WWP2: variants seen among roughly 807,000 people sequenced by gnomAD.
WWP2 encodes the protein NEDD4-like E3 ubiquitin-protein ligase WWP2.
Under a neutral mutation model 121.0 loss-of-function variants are expected in WWP2, and 57 were observed. The observed-to-expected ratio is 0.47, with a 90% confidence interval of 0.38 to 0.59. The LOEUF is 0.59. WWP2 is among the 20% of genes least tolerant of loss of function. The probability of loss-of-function intolerance (pLI) is 0.00; values close to 1 mark genes in which losing one functional copy is unlikely to be tolerated. For synonymous variants in WWP2, 449 were observed against 441.3 expected, an observed-to-expected ratio of 1.02 and a Z score of -0.22; for missense variants, 962 against 1,158.9, an observed-to-expected ratio of 0.83 and a Z score of 2.47.
intron 9 of WWP2, among the ~76,000 whole-genome samples, chr16:69,911,661 G>A (rs2058380766): frequency 6.6e-6 from 1 of 152,158 alleles, no homozygotes; most frequent in African/African-American, 2.4e-5. Flanking sequence ...GAGTGCAATC[G>A]TGCTTCTTAG....
At chr16:69,886,359 A>G (rs2057924052) in intron 7 of WWP2, among the ~76,000 whole-genome samples, 1 of 152,066 alleles carries the variant, frequency 6.6e-6, no homozygotes, top group African/African-American at 2.4e-5. Flanking sequence ...TTAGAGGCAA[A>G]GTATCTAGGT....
chr16:69,765,413 G>C (rs574664138), intron 1 of WWP2, among the ~76,000 whole-genome samples: 1 of 152,284 alleles, frequency 6.6e-6, no homozygotes, highest in East Asian at 1.9e-4. Flanking sequence ...TACAAGAAAG[G>C]TAAGGATCCC....
intron 6 of WWP2, among the ~76,000 whole-genome samples, chr16:69,866,326 G>A (rs959621561): frequency 6.7e-6 from 1 of 148,688 alleles, no homozygotes; most frequent in Non-Finnish European, 1.5e-5. Context: ...TTATGGAGAC[G>A]GAGTCTTCCT....
chr16:69,866,060 T>C (rs1333749997), intron 6 of WWP2, among the ~76,000 whole-genome samples: 2 of 152,176 alleles, frequency 1.3e-5, no homozygotes, highest in East Asian at 3.8e-4. Context: ...TCGCATCTCA[T>C]CATGGCTGGG....
At chr16:69,784,091 C>CTTTTT (rs61650147) in intron 1 of WWP2, among the ~76,000 whole-genome samples, 30 of 60,866 alleles carry the variant, frequency 4.9e-4, no homozygotes, top group East Asian at 2.8e-3. Flanking sequence ...TTCTTTCTTT[C>CTTTTT]TTTTTTTTTT....
intron 14 of WWP2, 31 bp downstream of exon 14, chr16:69,931,258 G>A (rs940168796): frequency 6.2e-7 from 1 of 1,613,172 alleles, no homozygotes; most frequent in Admixed American, 1.7e-5. Flanking sequence ...TCCCGTGGCA[G>A]TTGGGGTTAT....
In WWP2 at chr16:69,855,265, A is replaced by G. The variant is rs942622926; in HGVS notation, c.575+13145A>G. Reference sequence around the variant, plus strand: ...TCTTCACCCTTAACTTATTGAAAATATAGTGGAGGTATTTGTCTCAATATT... The same window carrying G: ...TCTTCACCCTTAACTTATTGAAAATGTAGTGGAGGTATTTGTCTCAATATT... On this transcript the variant is annotated intron_variant, in intron 6 of 23. Transcript: ENST00000359154. 2.6e-5 allele frequency among the ~76,000 whole-genome samples: 4 copies of G among 152,332 alleles called. No homozygotes were observed. The East Asian group carries it at 5.8e-4, about 22-fold the overall frequency.
At chr16:69,899,859 G>GA (rs2058174145) in intron 8 of WWP2, among the ~76,000 whole-genome samples, 2 of 151,192 alleles carry the variant, frequency 1.3e-5, no homozygotes, top group Non-Finnish European at 2.9e-5. Flanking sequence ...TAGATTTGAT[G>GA]AAAAACAATA....
chr16:69,917,181 C>T (rs2058490655), intron 9 of WWP2, among the ~76,000 whole-genome samples: 1 of 152,236 alleles, frequency 6.6e-6, no homozygotes, highest in Non-Finnish European at 1.5e-5. Context: ...TTCTAGATAT[C>T]AATCCTGATT....
intron 7 of WWP2, among the ~76,000 whole-genome samples, chr16:69,883,928 T>C (rs942126614): frequency 6.6e-6 from 1 of 152,186 alleles, no homozygotes; most frequent in Non-Finnish European, 1.5e-5. Flanking sequence ...GGCTCTGCTT[T>C]TGTTCTTTTC....
At chr16:69,915,589 T>TA (rs1422938987) in intron 9 of WWP2, among the ~76,000 whole-genome samples, 1 of 152,134 alleles carries the variant, frequency 6.6e-6, no homozygotes, top group Non-Finnish European at 1.5e-5. Flanking sequence ...ATAGACATGT[T>TA]ATTTAGAGAC....
At chr16:69,933,939 A>T (rs1567443787) in intron 16 of WWP2, 31 bp from the exon 17 acceptor site, 1 of 1,608,764 alleles carries the variant, frequency 6.2e-7, no homozygotes, top group Non-Finnish European at 8.5e-7. Flanking sequence ...GGGACCCATT[A>T]TTCTTGTCTT....
rs1410393382 is a variant in WWP2 at position 69,787,095 on chromosome 16, A to G, written c.70+15A>G. ...CACTTTGAAAGGTGAGTGGCACTGT[A>G]TAATGTCTTCATCTTGTCTACGCCC... On this transcript the variant is annotated intron_variant, in intron 2 of 23. Coordinates refer to ENST00000359154, the MANE Select transcript of WWP2 (RefSeq NM_001270454.2). The G allele has an allele frequency of 6.2e-7, 1 of 1,607,070 alleles. No individual in the cohort carries two copies. The highest frequency in any genetic ancestry group is 1.7e-5 in the Admixed American group (1 of 59,114).
At chr16:69,825,528 G>A (rs1265641527) in intron 4 of WWP2, among the ~76,000 whole-genome samples, 1 of 151,074 alleles carries the variant, frequency 6.6e-6, no homozygotes, top group Non-Finnish European at 1.5e-5. Context: ...TTACCTTTCT[G>A]TATTTGAATT....
intron 21 of WWP2, among the ~76,000 whole-genome samples, chr16:69,938,163 C>G (rs2058829311): frequency 6.6e-6 from 1 of 151,880 alleles, no homozygotes; most frequent in African/African-American, 2.4e-5. Flanking sequence ...ATTTGTATAA[C>G]ATACAATTAA....
intron 4 of WWP2, among the ~76,000 whole-genome samples, chr16:69,835,606 A>G (rs1234230365): frequency 2.0e-5 from 3 of 152,080 alleles, no homozygotes; most frequent in African/African-American, 7.2e-5. Flanking sequence ...TGTTTTATCT[A>G]TATGTTATTA....
intron 6 of WWP2, among the ~76,000 whole-genome samples, chr16:69,847,641 C>G (rs2057108819): frequency 6.6e-6 from 1 of 152,096 alleles, no homozygotes; most frequent in Non-Finnish European, 1.5e-5. Flanking sequence ...CTCCCGACCT[C>G]AGGTGATCTG....
intron 4 of WWP2, among the ~76,000 whole-genome samples, chr16:69,817,101 G>A (rs1337678154): frequency 6.6e-6 from 1 of 152,098 alleles, no homozygotes; most frequent in Non-Finnish European, 1.5e-5. Flanking sequence ...ACTGTTTTGG[G>A]GGGCATATAA....
chr16:69,879,078 C>T (rs1280237335), intron 7 of WWP2, among the ~76,000 whole-genome samples: 1 of 152,000 alleles, frequency 6.6e-6, no homozygotes, highest in Non-Finnish European at 1.5e-5. Flanking sequence ...TTACTAGTTG[C>T]TTAACTATTT....
Sources: gnomAD v4.1 joint callset for allele counts (sites outside exome capture counted in the v4.1 genomes callset) on GRCh38, gnomAD v4.1.1 for gene constraint, MANE v1.5 for transcripts, NCBI Gene and HGNC (gene_info 2026-07-23, HGNC 2026-07-21) for gene names.